The following KRT23 variants were observed in gnomAD, a reference collection of about 807,000 sequenced individuals.
The protein encoded by KRT23 is keratin 23.
KRT23 carries 38 observed loss-of-function variants against 47.6 expected under a neutral mutation model. The ratio of observed to expected loss-of-function variants is 0.80; its 90% CI spans 0.62 to 1.05. The LOEUF (loss-of-function observed/expected upper bound fraction) is 1.05. Ranked by LOEUF, KRT23 falls within the 50% of genes least tolerant of loss-of-function variation. The probability of loss-of-function intolerance (pLI) is 0.00; values close to 1 mark genes in which losing one functional copy is unlikely to be tolerated. For missense variants in KRT23, 503 were observed against 529.5 expected (o/e 0.95, Z 0.49); for synonymous variants, 191 against 199.0 (o/e 0.96, Z 0.34).
At chr17:40,924,086 G>A (rs1909082091) in intron 8 of KRT23, among the ~76,000 whole-genome samples, 1 of 152,134 alleles carries the variant, frequency 6.6e-6, no homozygotes, top group Admixed American at 6.5e-5. Context: ...AACCTTATCT[G>A]GCCATAGAAC....
chr17:40,934,136 C>T (rs976745794), intron 2 of KRT23, among the ~76,000 whole-genome samples: 5 of 152,088 alleles, frequency 3.3e-5, no homozygotes, highest in Non-Finnish European at 7.4e-5. Context: ...AGTGAGGGTA[C>T]GGGAGAACTG....
At chr17:40,929,698 A>T (rs1408135531) in intron 4 of KRT23, 1 of 464,700 alleles carries the variant, frequency 2.2e-6, no homozygotes, top group African/African-American at 2.0e-5. Flanking sequence ...TTGTGTATTA[A>T]CAAAACTGTT....
chr17:40,927,072 T>C (rs2030996809), intron 6 of KRT23, among the ~76,000 whole-genome samples: 1 of 152,190 alleles, frequency 6.6e-6, no homozygotes, highest in Admixed American at 6.5e-5. Flanking sequence ...ACCTCTTTGC[T>C]CACTGCCACT....
chr17:40,928,113 T>C, intron 6 of KRT23, 125 bp downstream of exon 6: 1 of 1,207,608 alleles, frequency 8.3e-7, no homozygotes, highest in South Asian at 1.4e-5. Flanking sequence ...ATAAACAATT[T>C]GGATGGAAAG....
At chr17:40,932,677 C>T (rs955022933) in intron 2 of KRT23, among the ~76,000 whole-genome samples, 9 of 152,114 alleles carry the variant, frequency 5.9e-5, no homozygotes, top group Admixed American at 3.9e-4. Context: ...TGGGTAATTC[C>T]CATTATATTT....
Position 40,936,568 on chromosome 17 carries a change from C to A in KRT23, c.36G>T (p.Ser12=), listed in dbSNP as rs1283999805. 6.6e-7 allele frequency: 1 copy of A among 1,519,420 alleles called. No individual in the cohort carries two copies. Among genetic ancestry groups the A allele is most frequent in the African/African-American group, 1.4e-5 (1 of 71,764 alleles). 94.1% of individuals were successfully genotyped at this position (1,519,420 alleles called of 1,614,324 possible). A position where few individuals can be genotyped will look rare whatever the true frequency, so the allele number is the denominator to read the frequency against. Residue 12 remains serine, a synonymous_variant, in exon 2 of 9, where the codon TCG becomes TCT. Coordinates refer to ENST00000209718, the MANE Select transcript of KRT23 (RefSeq NM_015515.5). The part of the protein sequence containing the change: ...NSGHSFSQTP[S]ASFHGAGGGW... ...CACCTCCGGCGCCATGGAAGGAGGC[C>A]GAGGGGGTCTGGCTGAAGCTGTGTC...
chr17:40,925,583 G>A lies in KRT23; in HGVS notation c.922-9C>T. 6.3e-7 allele frequency: 1 copy of A among 1,592,170 alleles called. No individual in the cohort carries two copies. Among genetic ancestry groups the A allele is most frequent in the East Asian group, 2.2e-5 (1 of 44,664 alleles). ...TTTTCCAAAGCAGATTTCTGAAAGA[G>A]GAAATGATCTTCTGTTAATTAACTG... On this transcript the variant is annotated splice_polypyrimidine_tract_variant and intron_variant, in intron 6 of 8. Coordinates refer to ENST00000209718, the MANE Select transcript of KRT23 (RefSeq NM_015515.5).
intron 6 of KRT23, among the ~76,000 whole-genome samples, chr17:40,926,728 T>A (rs1398205832): frequency 1.3e-5 from 2 of 152,204 alleles, no homozygotes; most frequent in Admixed American, 1.3e-4. Flanking sequence ...CCTTCAGCTA[T>A]CATCCAATTT....
rs1248424981 is a variant in KRT23, at chr17:40,922,986, G to A, written c.*3C>T. ...TTACAACAGGCGGAAACTTTCATTG[G>A]TCTCATGCGTGCTTTTGGATTTCAT... is the stretch of plus-strand genomic sequence containing the variant. On this transcript the variant is annotated 3_prime_UTR_variant, in exon 9 of 9. Coordinates refer to ENST00000209718, the MANE Select transcript of KRT23 (RefSeq NM_015515.5). The A allele has an allele frequency of 1.2e-6, 2 of 1,608,284 alleles. No homozygotes were observed. The highest frequency in any genetic ancestry group is 1.7e-5 in the Admixed American group (1 of 60,002).
chr17:40,933,457 TG>T, intron 2 of KRT23, among the ~76,000 whole-genome samples: 1 of 152,374 alleles, frequency 6.6e-6, no homozygotes, highest in Non-Finnish European at 1.5e-5. Context: ...GGGGCCATTG[TG>T]GGGTAACCCT....
chr17:40,927,532 A>G (rs779331598), intron 6 of KRT23, among the ~76,000 whole-genome samples: 4 of 152,178 alleles, frequency 2.6e-5, no homozygotes, highest in Non-Finnish European at 5.9e-5. Context: ...GTAGAATCGC[A>G]CTTGGCAATT....
In KRT23 at chr17:40,928,298, G is replaced by C; in HGVS notation, c.861C>G (p.Ile287Met). 1 of 1,614,198 alleles carries C rather than the reference G, an allele frequency of 6.2e-7. No individual in the cohort carries two copies. Among genetic ancestry groups the C allele is most frequent in the Non-Finnish European group, 8.5e-7 (1 of 1,180,034 alleles). The change falls in exon 6 of 9, where the codon ATC becomes ATG. Residue 287 changes from isoleucine (I) to methionine (M), a missense_variant. Ile to Met is a conservative substitution (Grantham distance 10). Coordinates refer to ENST00000209718, the MANE Select transcript of KRT23 (RefSeq NM_015515.5). ...CCTGGAATGTGCGCTTCAGTTCGTG[G>C]ATGTCACCTTGTCTGCTCTGCACAG... ...PATVQSRQGD[I>M]HELKRTFQAL...
In KRT23 at chr17:40,925,593, T is replaced by C; in HGVS notation, c.922-19A>G. 6.4e-7 allele frequency: 1 copy of C among 1,557,386 alleles called. No individual in the cohort carries two copies. The highest frequency in any genetic ancestry group is 8.8e-7 in the Non-Finnish European group (1 of 1,133,794). Reference sequence around the variant, plus strand: ...CAGATTTCTGAAAGAGGAAATGATCTTCTGTTAATTAACTGATGGCTTGAT... The same window carrying C: ...CAGATTTCTGAAAGAGGAAATGATCCTCTGTTAATTAACTGATGGCTTGAT... On this transcript the variant is annotated intron_variant, in intron 6 of 8. Transcript: ENST00000209718.
At chr17:40,924,100 G>T (rs1175051317) in intron 8 of KRT23, among the ~76,000 whole-genome samples, 1 of 152,202 alleles carries the variant, frequency 6.6e-6, no homozygotes. Flanking sequence ...ATAGAACACA[G>T]TGTTCGTAAT....
intron 6 of KRT23, 46 bp downstream of exon 6, chr17:40,928,192 T>C (rs747083712): frequency 6.2e-7 from 1 of 1,611,690 alleles, no homozygotes; most frequent in Non-Finnish European, 8.5e-7. Context: ...GAAGGCTTCG[T>C]GAAGGAGGTG....
At chr17:40,924,329 A>ATACAAAATACATCAT in intron 8 of KRT23, 143 bp downstream of exon 8, 1 of 630,610 alleles carries the variant, frequency 1.6e-6, no homozygotes. Context: ...GTATTAGCTA[A>ATACAAAATACATCAT]TTTGTTCATT....
rs756627566 is a variant in KRT23 at position 40,930,070 on chromosome 17, T to C, written c.506A>G (p.Lys169Arg). 6.2e-7 allele frequency: 1 copy of C among 1,614,194 alleles called. No individual in the cohort carries two copies. Among genetic ancestry groups the C allele is most frequent in the Non-Finnish European group, 8.5e-7 (1 of 1,180,014 alleles). Residue 169 changes from lysine (K) to arginine (R), a missense_variant, in exon 4 of 9, where the codon AAA (lysine) becomes AGA (arginine). By Grantham distance (26) the Lys-to-Arg change is conservative. Transcript: ENST00000209718. ...LKYENEHSFK[K>R]DLEIEVEGLR... is the part of the protein sequence containing the mutation. Reference sequence around the variant, plus strand: ...GCCCTCGACTTCAATTTCCAAGTCTTTCTTAAAGGAGTGTTCATTTTCATA... The same window carrying C: ...GCCCTCGACTTCAATTTCCAAGTCTCTCTTAAAGGAGTGTTCATTTTCATA...
chr17:40,936,604 G>C lies in KRT23; in HGVS notation c.-1C>G. 1 of 1,513,288 alleles carries C rather than the reference G, an allele frequency of 6.6e-7. No individual in the cohort carries two copies. Among genetic ancestry groups the C allele is most frequent in the East Asian group, 2.3e-5 (1 of 43,884 alleles). The allele number at this position is 1,513,288 out of a possible 1,614,324, so 93.7% of individuals were successfully genotyped here. On this transcript the variant is annotated 5_prime_UTR_variant, in exon 2 of 9. Transcript: ENST00000209718. ...GGCTGAAGCTGTGTCCGGAGTTCAT[G>C]GTCCCATCTGTGTTTGGGACGGGGC...
In KRT23 at chr17:40,923,021, A is replaced by C. The variant is rs1909020356; in HGVS notation, c.1237T>G (p.Cys413Gly). 4 of 1,614,096 alleles carry C rather than the reference A, an allele frequency of 2.5e-6. No homozygotes were observed. Among genetic ancestry groups the C allele is most frequent in the East Asian group, 2.2e-5 (1 of 44,888 alleles). The change falls in exon 9 of 9, where the codon TGT becomes GGT. Residue 413 changes from cysteine (C) to glycine (G), a missense_variant. Physicochemically the swap from Cys to Gly is radical, Grantham distance 159. Coordinates refer to ENST00000209718, the MANE Select transcript of KRT23 (RefSeq NM_015515.5). ...QETINGRLVLCQVNEIQKHA is the reference protein window; with the variant it reads ...QETINGRLVLGQVNEIQKHA ...TGCTTTTGGATTTCATTCACTTGAC[A>C]AAGAACTAATCTTCCGTTGATGGTC...
Sources: allele counts gnomAD v4.1 joint callset (sites outside exome capture counted in the v4.1 genomes callset), GRCh38; gene constraint gnomAD v4.1.1; transcripts MANE v1.5; gene names NCBI Gene and HGNC (gene_info 2026-07-23, HGNC 2026-07-21).